The following RBFOX2 variants were observed in gnomAD, a reference collection of about 807,000 sequenced individuals.
The protein encoded by RBFOX2 is RNA binding protein fox-1 homolog 2.
In RBFOX2, 10 loss-of-function variants were observed where a neutral mutation model predicts 49.1. The observed-to-expected ratio is 0.20, with a 90% CI of 0.13 to 0.35. The LOEUF (loss-of-function observed/expected upper bound fraction) is 0.35. Ranked by LOEUF, RBFOX2 falls within the 10% of genes least tolerant of loss-of-function variation. The probability of loss-of-function intolerance (pLI) is 1.00; values close to 1 mark genes in which losing one functional copy is unlikely to be tolerated. For synonymous variants in RBFOX2, 183 were observed against 187.4 expected (o/e 0.98, Z 0.19); for missense variants, 323 against 486.9 (o/e 0.66, Z 3.17).
At chr22:35,935,094 C>G (rs1005171924) in intron 1 of RBFOX2, among the ~76,000 whole-genome samples, 112 of 152,034 alleles carry the variant, frequency 7.4e-4, no homozygotes, top group African/African-American at 2.6e-3. Flanking sequence ...ACCACTACAC[C>G]CGGCTGATTT....
chr22:35,916,916 T>C (rs1305972717), intron 1 of RBFOX2, among the ~76,000 whole-genome samples: 1 of 150,944 alleles, frequency 6.6e-6, no homozygotes, highest in African/African-American at 2.4e-5. Context: ...GTGGATGGTA[T>C]GTGCATATGT....
chr22:35,946,527 A>G (rs1201542439), intron 1 of RBFOX2, among the ~76,000 whole-genome samples: 1 of 152,220 alleles, frequency 6.6e-6, no homozygotes, highest in Non-Finnish European at 1.5e-5. Flanking sequence ...ATCTGGCACA[A>G]TATTTAACAT....
intron 1 of RBFOX2, among the ~76,000 whole-genome samples, chr22:36,000,712 CA>C (rs1459576797): frequency 1.3e-5 from 2 of 152,016 alleles, no homozygotes; most frequent in African/African-American, 4.8e-5. Flanking sequence ...ATCTACCTCC[CA>C]TCTGTTTTCC....
At position 35,794,657 on chromosome 22, in the gene RBFOX2, C is replaced by CA. The variant is rs748698219; in HGVS notation, c.253-12912dup. On this transcript the variant is annotated intron_variant, in intron 2 of 11. Transcript: ENST00000405409. ...TGGGTAACAGAGTAAGACTCTGTCT[C>CA]AAAAAAAAAAAAAAGTTTTTTAGCT... Among the ~76,000 whole-genome samples the CA allele has an allele frequency of 3.8e-3, 489 of 127,088 alleles. 3 individuals are homozygous for CA. Among genetic ancestry groups the CA allele is most frequent in the Middle Eastern group, 0.013 (3 of 240 alleles). The allele number at this position is 127,088 out of a possible 152,430, so 83.4% of individuals were successfully genotyped here.
chr22:35,750,403 T>G, intron 9 of RBFOX2: 2 of 1,558,590 alleles, frequency 1.3e-6, no homozygotes, highest in Non-Finnish European at 1.8e-6. Context: ...AAAAAGGACA[T>G]ATGTATTTAC....
chr22:35,793,675 G>C (rs1311630294), intron 2 of RBFOX2, among the ~76,000 whole-genome samples: 2 of 152,102 alleles, frequency 1.3e-5, no homozygotes, highest in Non-Finnish European at 2.9e-5. Flanking sequence ...TTTACTTAGA[G>C]CAACTCCCTA....
At chr22:35,954,691 C>T (rs868864173) in intron 1 of RBFOX2, among the ~76,000 whole-genome samples, 1 of 152,210 alleles carries the variant, frequency 6.6e-6, no homozygotes, top group Admixed American at 6.5e-5. Flanking sequence ...ACTCCTTCAG[C>T]AAACATTTAC....
intron 1 of RBFOX2, among the ~76,000 whole-genome samples, chr22:35,884,630 A>G (rs1436162027): frequency 6.6e-6 from 1 of 152,182 alleles, no homozygotes; most frequent in Non-Finnish European, 1.5e-5. Flanking sequence ...CCAAGATAAA[A>G]GCCACAGTCT....
At chr22:35,858,050 G>A (rs1243895051) in intron 1 of RBFOX2, among the ~76,000 whole-genome samples, 1 of 152,130 alleles carries the variant, frequency 6.6e-6, no homozygotes, top group African/African-American at 2.4e-5. Context: ...TAGCAAACAA[G>A]AGTTAAAGAG....
chr22:35,872,928 A>G (rs9622297), intron 1 of RBFOX2, among the ~76,000 whole-genome samples: 34,391 of 151,944 alleles, frequency 0.23, 6,162 homozygotes, highest in African/African-American at 0.5. Context: ...GCCAGGGGTC[A>G]CCTTTCTCTA....
At chr22:35,922,971 G>A (rs1208860590) in intron 1 of RBFOX2, among the ~76,000 whole-genome samples, 1 of 152,088 alleles carries the variant, frequency 6.6e-6, no homozygotes, top group Non-Finnish European at 1.5e-5. Flanking sequence ...ATGAAGTGCT[G>A]GGTTTGAAGT....
intron 1 of RBFOX2, among the ~76,000 whole-genome samples, chr22:35,820,306 T>TAAC (rs1954189315): frequency 6.6e-6 from 1 of 152,208 alleles, no homozygotes; most frequent in South Asian, 2.1e-4. Context: ...TGAAGAGGGT[T>TAAC]TGGTGCAGGT....
At chr22:35,762,493 T>A (rs1234999495) in intron 6 of RBFOX2, among the ~76,000 whole-genome samples, 2 of 151,056 alleles carry the variant, frequency 1.3e-5, no homozygotes, top group South Asian at 4.2e-4. Context: ...AAGGCCAGAA[T>A]TGGCCTCCTC....
At chr22:35,964,530 G>A (rs1475488620), upstream of RBFOX2, among the ~76,000 whole-genome samples, 1 of 152,108 alleles carries the variant, frequency 6.6e-6, no homozygotes, top group Non-Finnish European at 1.5e-5. Flanking sequence ...TAATATTTGA[G>A]ATGAAAAAAA....
chr22:36,028,785 C>G (rs1042345565), exon 1 of RBFOX2, among the ~76,000 whole-genome samples: 3 of 151,986 alleles, frequency 2.0e-5, no homozygotes, highest in Non-Finnish European at 2.9e-5. Flanking sequence ...CTCACACTCT[C>G]CCTCACAGCA....
chr22:35,888,238 A>G (rs534360536), intron 1 of RBFOX2, among the ~76,000 whole-genome samples: 85 of 152,290 alleles, frequency 5.6e-4, no homozygotes, highest in Admixed American at 2.4e-3. Flanking sequence ...TCATCTCTGT[A>G]GTAAATTTAC....
At position 35,764,131 on chromosome 22, in the gene RBFOX2, C is replaced by T. The variant is rs999830820; in HGVS notation, c.607+1292G>A. Among the ~76,000 whole-genome samples, 3 of 152,086 alleles carry T rather than the reference C, an allele frequency of 2.0e-5. No individual in the cohort carries two copies. In the East Asian group the frequency reaches 5.8e-4, roughly 29 times the overall value. On this transcript the variant is annotated intron_variant, in intron 6 of 11. Transcript: ENST00000405409. Reference sequence around the variant, plus strand: ...CCGATAAAAGGAGTAAGGAAAAATGCAAATTATGCTGATAAATTTGTATCA... The same window carrying T: ...CCGATAAAAGGAGTAAGGAAAAATGTAAATTATGCTGATAAATTTGTATCA...
chr22:35,783,501 C>G (rs1022176337), intron 2 of RBFOX2, among the ~76,000 whole-genome samples: 1 of 152,084 alleles, frequency 6.6e-6, no homozygotes, highest in Admixed American at 6.6e-5. Context: ...GAAAAACCTA[C>G]AACATGAGGT....
At chr22:35,933,400 T>C (rs943927980) in intron 1 of RBFOX2, among the ~76,000 whole-genome samples, 2 of 152,198 alleles carry the variant, frequency 1.3e-5, no homozygotes, top group Non-Finnish European at 2.9e-5. Context: ...ATAAACAAAA[T>C]AGTACACTAC....
Sources: allele counts gnomAD v4.1 joint callset (sites outside exome capture counted in the v4.1 genomes callset), GRCh38; gene constraint gnomAD v4.1.1; transcripts MANE v1.5; gene names NCBI Gene and HGNC (gene_info 2026-07-23, HGNC 2026-07-21).